The following DACH2 variants were observed in gnomAD, a reference collection of about 807,000 sequenced individuals.
DACH2 encodes the protein dachshund family transcription factor 2.
A neutral mutation model predicts 35.8 loss-of-function variants in DACH2; 17 were observed. The ratio of observed to expected loss-of-function variants is 0.48; its 90% CI spans 0.33 to 0.71. The LOEUF is 0.71. Among genes scored for constraint, DACH2 ranks in the 30% least tolerant of loss-of-function variants. The probability of loss-of-function intolerance (pLI) is 0.02; values close to 1 mark genes in which losing one functional copy is unlikely to be tolerated. For missense variants in DACH2, 469 were observed against 472.7 expected, an observed-to-expected ratio of 0.99 and a Z score of 0.07; for synonymous variants, 195 against 177.3, an observed-to-expected ratio of 1.10 and a Z score of -0.79.
chrX:86,644,095 G>C (rs1339843405), intron 3 of DACH2, among the ~76,000 whole-genome samples: 1 of 111,011 alleles, frequency 9.0e-6, no homozygotes, highest in Admixed American at 9.7e-5. Flanking sequence ...ATTCAACATA[G>C]TATTGGAAGT....
chrX:86,269,164 G>A (rs182859871), intron 1 of DACH2, among the ~76,000 whole-genome samples: 31 of 109,669 alleles, frequency 2.8e-4, no homozygotes, highest in Non-Finnish European at 1.7e-4. Flanking sequence ...CTGGTAACCA[G>A]CATACTCTCT....
chrX:86,356,406 AG>A (rs966337263), intron 1 of DACH2, among the ~76,000 whole-genome samples: 2 of 108,838 alleles, frequency 1.8e-5, no homozygotes, highest in Non-Finnish European at 3.8e-5. Flanking sequence ...TGTTTTTTTT[AG>A]CAGTACCATG....
chrX:86,265,955 ATGTG>A (rs1200259391), intron 1 of DACH2, among the ~76,000 whole-genome samples: 1 of 111,128 alleles, frequency 9.0e-6, no homozygotes, highest in African/African-American at 3.3e-5. Context: ...GCATGTGTGT[ATGTG>A]TGTGTGTATG....
At chrX:86,603,411 C>T (rs1429815999) in intron 3 of DACH2, among the ~76,000 whole-genome samples, 3 of 110,020 alleles carry the variant, frequency 2.7e-5, no homozygotes, top group Non-Finnish European at 3.8e-5. Flanking sequence ...ATGTCCTTTT[C>T]GCATGCAAAA....
At chrX:86,226,974 G>A (rs981304139) in intron 1 of DACH2, among the ~76,000 whole-genome samples, 12 of 110,460 alleles carry the variant, frequency 1.1e-4, no homozygotes, top group African/African-American at 3.9e-4. Flanking sequence ...GAAAATTTTT[G>A]TCCTTGTCTT....
chrX:86,483,893 A>C lies in DACH2; in HGVS notation c.528-30386A>C, dbSNP rs1015185057. Among the ~76,000 whole-genome samples the C allele has an allele frequency of 1.4e-4, 16 of 111,262 alleles. 1 individual carries two copies. The highest frequency in any genetic ancestry group is 3.0e-4 in the Non-Finnish European group (16 of 53,090). On this transcript the variant is annotated intron_variant, in intron 2 of 11. Coordinates refer to ENST00000373125, the MANE Select transcript of DACH2 (RefSeq NM_053281.3). ...TGTTTTTGCTACATCTAAAGCTTTC[A>C]AAGTGTTCTGAATAAGCCACTCTAG...
At chrX:86,800,633 A>G (rs2042282913) in intron 7 of DACH2, among the ~76,000 whole-genome samples, 1 of 111,852 alleles carries the variant, frequency 8.9e-6, no homozygotes, top group East Asian at 2.8e-4. Flanking sequence ...AGAAATTTTC[A>G]GGTGAGAAGC....
chrX:86,754,491 C>T (rs1199029477), intron 7 of DACH2, among the ~76,000 whole-genome samples: 10 of 111,108 alleles, frequency 9.0e-5, no homozygotes, highest in Admixed American at 4.8e-4. Flanking sequence ...ATATTTGCTA[C>T]TCTGCTATCT....
At chrX:86,269,466 G>A (rs1389310284) in intron 1 of DACH2, among the ~76,000 whole-genome samples, 1 of 111,711 alleles carries the variant, frequency 9.0e-6, no homozygotes, top group Non-Finnish European at 1.9e-5. Context: ...AACATATTTG[G>A]CTTGAGCTTT....
In DACH2 at chrX:86,529,158, C is replaced by T. The variant is rs754794550; in HGVS notation, c.640+14767C>T. Among the ~76,000 whole-genome samples, 3 of 111,914 alleles carry T rather than the reference C, an allele frequency of 2.7e-5. No homozygotes were observed. In the South Asian group the frequency reaches 1.1e-3, roughly 42 times the overall value. On this transcript the variant is annotated intron_variant, in intron 3 of 11. Coordinates refer to ENST00000373125, the MANE Select transcript of DACH2 (RefSeq NM_053281.3). ...TGTCTGGGCTCAAGTGATCTTCTCACTTTGCCTCTGCAGTAGCTAGGACTA... is the reference window on the plus strand; with the variant it reads ...TGTCTGGGCTCAAGTGATCTTCTCATTTTGCCTCTGCAGTAGCTAGGACTA...
intron 4 of DACH2, among the ~76,000 whole-genome samples, chrX:86,673,014 G>A (rs2040783116): frequency 8.9e-6 from 1 of 112,089 alleles, no homozygotes; most frequent in Non-Finnish European, 1.9e-5. Flanking sequence ...GCATAAGTGT[G>A]GTCTGGATGT....
intron 2 of DACH2, among the ~76,000 whole-genome samples, chrX:86,441,444 G>A (rs2037160193): frequency 9.2e-6 from 1 of 108,624 alleles, no homozygotes; most frequent in African/African-American, 3.4e-5. Context: ...CGAATGATGG[G>A]ATTTTATTCT....
intron 1 of DACH2, among the ~76,000 whole-genome samples, chrX:86,285,495 A>G: frequency 9.0e-6 from 1 of 111,261 alleles, no homozygotes; most frequent in Non-Finnish European, 1.9e-5. Context: ...TCCTTTTGTT[A>G]TTGTTTTGTT....
chrX:86,533,039 T>G (rs927976324), intron 3 of DACH2, among the ~76,000 whole-genome samples: 27 of 111,178 alleles, frequency 2.4e-4, no homozygotes, highest in Non-Finnish European at 4.3e-4. Flanking sequence ...TTACATTGTT[T>G]TATTTATTTA....
Position 86,306,485 on chromosome X carries a change from C to A in DACH2, c.489-70339C>A, listed in dbSNP as rs747495804. The stretch of plus-strand genomic sequence containing the variant: ...CCTGGGTGTGTCTGTGTAGGTGTTG[C>A]CCAAAAGAGATTAACATTTGAGTCA... On this transcript the variant is annotated intron_variant, in intron 1 of 11. Transcript: ENST00000373125. Among the ~76,000 whole-genome samples the A allele has an allele frequency of 4.5e-5, 5 of 111,735 alleles. No individual in the cohort carries two copies. In the East Asian group the frequency reaches 1.4e-3, roughly 32 times the overall value.
chrX:86,672,152 G>A (rs765162092), intron 4 of DACH2, among the ~76,000 whole-genome samples: 184 of 112,037 alleles, frequency 1.6e-3, no homozygotes, highest in African/African-American at 5.7e-3. Flanking sequence ...AATTAGCCTA[G>A]CTGCTTCCAT....
At chrX:86,349,899 C>T (rs1439993528) in intron 1 of DACH2, among the ~76,000 whole-genome samples, 1 of 111,931 alleles carries the variant, frequency 8.9e-6, no homozygotes, top group African/African-American at 3.3e-5. Context: ...GGTGTGGTGG[C>T]TCACGCCTGT....
chrX:86,575,837 C>T (rs2039429340), intron 3 of DACH2, among the ~76,000 whole-genome samples: 1 of 111,194 alleles, frequency 9.0e-6, no homozygotes, highest in Non-Finnish European at 1.9e-5. Flanking sequence ...TGGTAGCCTC[C>T]CCTCAACCAA....
chrX:86,733,728 C>G (rs768438335), intron 6 of DACH2, among the ~76,000 whole-genome samples: 1 of 111,017 alleles, frequency 9.0e-6, no homozygotes, highest in African/African-American at 3.3e-5. Flanking sequence ...GGCAGTTTAC[C>G]AACACCATCT....
Sources: allele counts gnomAD v4.1 joint callset (sites outside exome capture counted in the v4.1 genomes callset), GRCh38; gene constraint gnomAD v4.1.1; transcripts MANE v1.5; gene names NCBI Gene and HGNC (gene_info 2026-07-23, HGNC 2026-07-21).